DAB1: variants seen among roughly 807,000 people sequenced by gnomAD.
DAB1 encodes the protein disabled homolog 1.
A neutral mutation model predicts 64.6 loss-of-function variants in DAB1; 15 were observed. The observed-to-expected ratio is 0.23, with a 90% CI of 0.16 to 0.36. The LOEUF (loss-of-function observed/expected upper bound fraction) is 0.36, where lower values mean the gene tolerates loss of function less well. Among genes scored for constraint, DAB1 ranks in the 10% least tolerant of loss-of-function variants. The probability of loss-of-function intolerance (pLI) is 1.00; values close to 1 mark genes in which losing one functional copy is unlikely to be tolerated. For synonymous variants in DAB1, 235 were observed against 251.9 expected (o/e 0.93, Z 0.64); for missense variants, 596 against 706.7 (o/e 0.84, Z 1.78).
chr1:57,968,524 T>C (rs578179108), intron 5 of DAB1, among the ~76,000 whole-genome samples: 1 of 152,290 alleles, frequency 6.6e-6, no homozygotes, highest in South Asian at 2.1e-4. Context: ...CCTGGAAAAT[T>C]GGCATGCATG....
At chr1:58,049,353 A>G in intron 5 of DAB1, 1 of 621,696 alleles carries the variant, frequency 1.6e-6, no homozygotes, top group South Asian at 2.0e-5. Flanking sequence ...GGCAGAAAGG[A>G]GCAAGCTGAC....
intron 5 of DAB1, among the ~76,000 whole-genome samples, chr1:58,139,829 C>T (rs575005176): frequency 6.6e-6 from 1 of 152,304 alleles, no homozygotes; most frequent in South Asian, 2.1e-4. Flanking sequence ...TGGTGTAACA[C>T]TTTCATTTTC....
chr1:57,671,249 A>C (rs1646507112), intron 6 of DAB1, among the ~76,000 whole-genome samples: 1 of 152,146 alleles, frequency 6.6e-6, no homozygotes, highest in Non-Finnish European at 1.5e-5. Flanking sequence ...AGTGATCAGC[A>C]CATTTTTCCT....
At chr1:57,459,494 C>T (rs1379007785) in intron 7 of DAB1, among the ~76,000 whole-genome samples, 2 of 152,210 alleles carry the variant, frequency 1.3e-5, no homozygotes, top group East Asian at 1.9e-4. Flanking sequence ...ATTTTTATGG[C>T]TTTTGGTATG....
chr1:57,222,162 C>T (rs932641491), intron 2 of DAB1, among the ~76,000 whole-genome samples: 2 of 152,096 alleles, frequency 1.3e-5, no homozygotes, highest in Non-Finnish European at 2.9e-5. Flanking sequence ...GGTAAAGAAA[C>T]TTGCTTGAGG....
intron 3 of DAB1, among the ~76,000 whole-genome samples, chr1:57,142,936 T>C (rs1658755238): frequency 6.6e-6 from 1 of 152,198 alleles, no homozygotes; most frequent in Non-Finnish European, 1.5e-5. Context: ...AAATCTCCAC[T>C]TGCCAGACTT....
chr1:58,037,223 C>T (rs980220792), intron 5 of DAB1, among the ~76,000 whole-genome samples: 1 of 152,162 alleles, frequency 6.6e-6, no homozygotes, highest in East Asian at 1.9e-4. Flanking sequence ...CTAGAGGCAC[C>T]TGGGAGGGTA....
At chr1:57,719,408 C>T (rs572566082) in intron 6 of DAB1, among the ~76,000 whole-genome samples, 2 of 152,310 alleles carry the variant, frequency 1.3e-5, no homozygotes, top group African/African-American at 4.8e-5. Flanking sequence ...CGAAGACTTC[C>T]TCCAAGTTCA....
At chr1:57,755,937 T>C (rs867341290) in intron 6 of DAB1, among the ~76,000 whole-genome samples, 1 of 152,198 alleles carries the variant, frequency 6.6e-6, no homozygotes, top group Non-Finnish European at 1.5e-5. Context: ...GTAAATACTT[T>C]AGCTTTGTGC....
At chr1:58,392,453 G>C (rs1039729217) in intron 3 of DAB1, among the ~76,000 whole-genome samples, 1 of 152,146 alleles carries the variant, frequency 6.6e-6, no homozygotes, top group Non-Finnish European at 1.5e-5. Flanking sequence ...CTACACTCTA[G>C]ACACCATTCC....
intron 2 of DAB1, among the ~76,000 whole-genome samples, chr1:58,506,869 T>C (rs1234812815): frequency 1.3e-5 from 2 of 152,084 alleles, no homozygotes; most frequent in African/African-American, 4.8e-5. Flanking sequence ...TAAAACACAA[T>C]ACCTTATAAA....
intron 10 of DAB1, among the ~76,000 whole-genome samples, chr1:57,023,879 T>A (rs890961782): frequency 9.2e-5 from 14 of 152,318 alleles, no homozygotes; most frequent in African/African-American, 3.4e-4. Context: ...TTACTTAAAT[T>A]TTTAGCACCG....
At chr1:58,451,312 C>T (rs1218420446) in intron 3 of DAB1, among the ~76,000 whole-genome samples, 1 of 152,306 alleles carries the variant, frequency 6.6e-6, no homozygotes, top group Middle Eastern at 3.4e-3. Flanking sequence ...AGGCTGATCT[C>T]GACCTCCTGG....
At chr1:58,371,441 C>G (rs535231014) in intron 3 of DAB1, among the ~76,000 whole-genome samples, 3 of 152,132 alleles carry the variant, frequency 2.0e-5, no homozygotes, top group Non-Finnish European at 2.9e-5. Context: ...TTGGAACTTA[C>G]GTTTAAAGAA....
At chr1:57,084,331 GA>G (rs1409057986) in intron 4 of DAB1, among the ~76,000 whole-genome samples, 2 of 152,160 alleles carry the variant, frequency 1.3e-5, no homozygotes, top group African/African-American at 4.8e-5. Flanking sequence ...CAATCCACCA[GA>G]AGCTAGGGGA....
intron 2 of DAB1, among the ~76,000 whole-genome samples, chr1:57,199,870 A>G (rs1222856413): frequency 6.6e-6 from 1 of 152,168 alleles, no homozygotes; most frequent in Non-Finnish European, 1.5e-5. Flanking sequence ...GCACTTGGAA[A>G]GTATACAGTC....
upstream of DAB1, among the ~76,000 whole-genome samples, chr1:57,428,684 T>C (rs962826759): frequency 6.6e-6 from 1 of 152,108 alleles, no homozygotes; most frequent in African/African-American, 2.4e-5. Context: ...TACCCAGAAG[T>C]GGGATTGCTG....
chr1:58,045,654 T>C (rs1647224534), intron 5 of DAB1, among the ~76,000 whole-genome samples: 1 of 152,148 alleles, frequency 6.6e-6, no homozygotes, highest in African/African-American at 2.4e-5. Flanking sequence ...GACCCTTCTC[T>C]TTATCTTTCT....
chr1:57,840,437 C>T (rs1194206679), intron 1 of DAB1, among the ~76,000 whole-genome samples: 1 of 152,042 alleles, frequency 6.6e-6, no homozygotes, highest in African/African-American at 2.4e-5. Flanking sequence ...TGCTCCTGAA[C>T]TTAGGATATA....
Sources: gnomAD v4.1 joint callset for allele counts (sites outside exome capture counted in the v4.1 genomes callset) on GRCh38, gnomAD v4.1.1 for gene constraint, MANE v1.5 for transcripts, NCBI Gene and HGNC (gene_info 2026-07-23, HGNC 2026-07-21) for gene names.